Variants in PRELID2 observed in about 807,000 individuals in gnomAD.
The protein encoded by PRELID2 is PRELI domain containing 2.
Under a neutral mutation model 28.4 loss-of-function variants are expected in PRELID2, and 25 were observed. That is an observed-to-expected ratio of 0.88 (90% CI 0.64 to 1.23). The LOEUF (loss-of-function observed/expected upper bound fraction) is 1.23. Among genes scored for constraint, PRELID2 ranks in the 50% most tolerant of loss-of-function variants. PRELID2 has a pLI of 0.00. For missense variants in PRELID2, 201 were observed against 214.4 expected (o/e 0.94, Z 0.39); for synonymous variants, 76 against 71.6 (o/e 1.06, Z -0.31).
the PRELID2 span, among the ~76,000 whole-genome samples, chr5:145,427,217 C>A: frequency 6.6e-6 from 1 of 152,190 alleles, no homozygotes; most frequent in Non-Finnish European, 1.5e-5. Flanking sequence ...TATTGTTTTG[C>A]AAGAAAATCC....
At chr5:145,335,440 T>C in the PRELID2 span, among the ~76,000 whole-genome samples, 1 of 151,640 alleles carries the variant, frequency 6.6e-6, no homozygotes, top group Non-Finnish European at 1.5e-5. Context: ...ATTTTGAAAG[T>C]CTTTGTCAGG....
At chr5:145,476,598 T>C (rs1233869342) in intron 1 of PRELID2, among the ~76,000 whole-genome samples, 5 of 152,024 alleles carry the variant, frequency 3.3e-5, no homozygotes, top group Non-Finnish European at 5.9e-5. Context: ...TGAGCCGAGA[T>C]TGCGCCACTG....
intron 1 of PRELID2, among the ~76,000 whole-genome samples, chr5:145,649,807 G>A (rs572130987): frequency 6.6e-6 from 1 of 152,184 alleles, no homozygotes; most frequent in South Asian, 2.1e-4. Context: ...TTCCTTGAAC[G>A]TATTAATTGC....
chr5:145,452,601 A>C, the PRELID2 span, among the ~76,000 whole-genome samples: 2 of 152,280 alleles, frequency 1.3e-5, no homozygotes, highest in African/African-American at 4.8e-5. Context: ...ATAATTTCCC[A>C]GTCACTTTTC....
intron 1 of PRELID2, among the ~76,000 whole-genome samples, chr5:145,739,979 C>T (rs1264803092): frequency 6.6e-6 from 1 of 150,496 alleles, no homozygotes; most frequent in East Asian, 2.0e-4. Context: ...AAAACATAAG[C>T]CCTATGTCAA....
rs189274938 is a variant in PRELID2 at position 145,739,729 on chromosome 5, G to T, written n.70+25202C>A. On this transcript the variant is annotated intron_variant and non_coding_transcript_variant, in intron 1 of 2. Transcript: ENST00000510259. Reference sequence around the variant, plus strand: ...GGGTAGTAATGCAAAGGGAGGTAAGGTTTCTACATTTCACTGGGAGTGATA... The same window carrying T: ...GGGTAGTAATGCAAAGGGAGGTAAGTTTTCTACATTTCACTGGGAGTGATA... Among the ~76,000 whole-genome samples, 619 of 151,834 alleles carry T rather than the reference G, an allele frequency of 4.1e-3. 1 individual carries two copies. The highest frequency in any genetic ancestry group is 6.2e-3 in the Admixed American group (94 of 15,260).
At chr5:145,322,215 A>ATTT in the PRELID2 span, among the ~76,000 whole-genome samples, 4 of 152,190 alleles carry the variant, frequency 2.6e-5, no homozygotes, top group Admixed American at 2.0e-4. Flanking sequence ...TTCTCAGTCC[A>ATTT]TTTGAAAGCA....
chr5:145,409,709 C>G, the PRELID2 span, among the ~76,000 whole-genome samples: 1 of 135,604 alleles, frequency 7.4e-6, no homozygotes, highest in Non-Finnish European at 1.5e-5. Flanking sequence ...GTCAGGAGAT[C>G]AAGACCATCC....
At chr5:145,746,160 T>G (rs575950521) in intron 1 of PRELID2, among the ~76,000 whole-genome samples, 2 of 152,270 alleles carry the variant, frequency 1.3e-5, no homozygotes, top group East Asian at 3.9e-4. Flanking sequence ...AATTCATATA[T>G]AACAATACTA....
chr5:145,254,120 T>C, the PRELID2 span, among the ~76,000 whole-genome samples: 1 of 152,132 alleles, frequency 6.6e-6, no homozygotes, highest in Non-Finnish European at 1.5e-5. Context: ...TGTGTGCCGA[T>C]GAATGACCAC....
At chr5:145,469,679 T>G (rs2910271), downstream of PRELID2, among the ~76,000 whole-genome samples, 58,990 of 151,866 alleles carry the variant, frequency 0.39, 11,787 homozygotes, top group Non-Finnish European at 0.43. Context: ...GGAATCTTGA[T>G]AGTTAACTTC....
At chr5:145,398,824 A>G in the PRELID2 span, among the ~76,000 whole-genome samples, 1 of 152,210 alleles carries the variant, frequency 6.6e-6, no homozygotes, top group South Asian at 2.1e-4. Context: ...GCGTGAGAGG[A>G]GTGTGGCTTT....
chr5:145,515,828 G>C (rs1752510894), intron 1 of PRELID2, among the ~76,000 whole-genome samples: 1 of 152,148 alleles, frequency 6.6e-6, no homozygotes, highest in Non-Finnish European at 1.5e-5. Context: ...ACGCAAGCCT[G>C]GTTCAGCATA....
intron 1 of PRELID2, among the ~76,000 whole-genome samples, chr5:145,734,741 A>G (rs1275624007): frequency 6.6e-6 from 1 of 152,206 alleles, no homozygotes; most frequent in African/African-American, 2.4e-5. Context: ...GACTCTATAA[A>G]TATATACCAT....
At chr5:145,695,495 A>C (rs1164852548) in intron 1 of PRELID2, among the ~76,000 whole-genome samples, 1 of 152,228 alleles carries the variant, frequency 6.6e-6, no homozygotes, top group Non-Finnish European at 1.5e-5. Flanking sequence ...GGTCTTGGTC[A>C]ATTTCCAGTG....
the PRELID2 span, among the ~76,000 whole-genome samples, chr5:145,380,472 C>A: frequency 7.2e-5 from 11 of 152,288 alleles, no homozygotes; most frequent in East Asian, 2.1e-3. Context: ...TTTCTAAATG[C>A]CCCCATGTGG....
intron 5 of PRELID2, among the ~76,000 whole-genome samples, chr5:145,766,672 C>A (rs1219771798): frequency 6.6e-6 from 1 of 152,024 alleles, no homozygotes; most frequent in Admixed American, 6.5e-5. Context: ...AGCAGCAAAC[C>A]ACAGGACCAG....
At chr5:145,383,260 C>CAT in the PRELID2 span, among the ~76,000 whole-genome samples, 1 of 151,370 alleles carries the variant, frequency 6.6e-6, no homozygotes, top group Admixed American at 6.6e-5. Flanking sequence ...TATATGCATT[C>CAT]ATATATACAT....
At chr5:145,490,031 G>T (rs1189212965) in intron 1 of PRELID2, among the ~76,000 whole-genome samples, 2 of 152,116 alleles carry the variant, frequency 1.3e-5, no homozygotes, top group African/African-American at 4.8e-5. Flanking sequence ...TGATACATCT[G>T]TGCTATCTTA....
Sources: allele counts gnomAD v4.1 joint callset (sites outside exome capture counted in the v4.1 genomes callset), GRCh38; gene constraint gnomAD v4.1.1; transcripts MANE v1.5; gene names NCBI Gene and HGNC (gene_info 2026-07-23, HGNC 2026-07-21).